Variants in NSD1 observed in about 807,000 individuals in gnomAD.
NSD1 encodes histone-lysine N-methyltransferase, H3 lysine-36 specific.
A neutral mutation model predicts 242.7 loss-of-function variants in NSD1; 26 were observed. The ratio of observed to expected loss-of-function variants is 0.11; its 90% confidence interval spans 0.08 to 0.15. The LOEUF (loss-of-function observed/expected upper bound fraction) is 0.15, where lower values mean the gene tolerates loss of function less well. NSD1 is among the 10% of genes least tolerant of loss of function. The pLI, the probability that NSD1 is intolerant of heterozygous loss-of-function variation, is 1.00. For missense variants in NSD1, 2,495 were observed against 3,272.8 expected (o/e 0.76, Z 5.80); for synonymous variants, 1,106 against 1,178.1 (o/e 0.94, Z 1.25).
rs1166781468 is a variant in NSD1 at position 177,290,808 on chromosome 5, G to T, written c.6259-1146G>T. Among the ~76,000 whole-genome samples the T allele has an allele frequency of 2.0e-5, 3 of 152,166 alleles. No individual in the cohort carries two copies. The East Asian group carries it at 5.8e-4, about 29-fold the overall frequency. ...TTTATTGTGCTTTTTGTTTAGTTTTGTTGGTTTAACGGTGTTGTTCCTTAA... is the reference window on the plus strand; with the variant it reads ...TTTATTGTGCTTTTTGTTTAGTTTTTTTGGTTTAACGGTGTTGTTCCTTAA... On this transcript the variant is annotated intron_variant, in intron 21 of 22. Transcript: ENST00000439151.
chr5:177,261,694 G>A (rs1168133768), intron 14 of NSD1, among the ~76,000 whole-genome samples: 1 of 152,040 alleles, frequency 6.6e-6, no homozygotes, highest in Non-Finnish European at 1.5e-5. Flanking sequence ...CATGGTAATG[G>A]TATTGGTATT....
rs758928013 is a variant in NSD1 at position 177,269,443 on chromosome 5, C to T, written c.5304-159C>T. Among the ~76,000 whole-genome samples, 29 of 152,162 alleles carry T rather than the reference C, an allele frequency of 1.9e-4. No homozygotes were observed. The highest frequency in any genetic ancestry group is 3.5e-4 in the Non-Finnish European group (24 of 68,044). Reference sequence around the variant, plus strand: ...GATGTTTTCCAGCTTCTAGCACATACGACTTGTTTGTGTTCTAGTTAGGTT... The same window carrying T: ...GATGTTTTCCAGCTTCTAGCACATATGACTTGTTTGTGTTCTAGTTAGGTT... On this transcript the variant is annotated intron_variant, in intron 15 of 22. Transcript: ENST00000439151. The surrounding 1 kb of genome is among the most constrained non-coding windows in gnomAD (Gnocchi z 5.1).
intron 2 of NSD1, among the ~76,000 whole-genome samples, chr5:177,184,719 G>A (rs986954474): frequency 6.6e-6 from 1 of 152,094 alleles, no homozygotes; most frequent in African/African-American, 2.4e-5. Context: ...GGGTGTGTGT[G>A]TGCACGCAAG....
At chr5:177,188,178 T>C (rs1761386252) in intron 2 of NSD1, among the ~76,000 whole-genome samples, 1 of 152,236 alleles carries the variant, frequency 6.6e-6, no homozygotes, top group Non-Finnish European at 1.5e-5. Flanking sequence ...AGTTGAATTA[T>C]GGGCTTAAAT....
In NSD1 at chr5:177,288,862, T is replaced by C; in HGVS notation, c.6195T>C (p.Asn2065=). 1.9e-6 allele frequency: 3 copies of C among 1,614,206 alleles called. No homozygotes were observed. The highest frequency in any genetic ancestry group is 2.5e-6 in the Non-Finnish European group (3 of 1,180,020). The change falls in exon 21 of 23, where the codon AAT becomes AAC. Residue 2065 remains asparagine, a synonymous_variant. Transcript: ENST00000439151. ...ACTACAACCTAGAATGTCTTGGGAATGGAAAGACTGTTTGCAAATGTGGAG... is the reference window on the plus strand; with the variant it reads ...ACTACAACCTAGAATGTCTTGGGAACGGAAAGACTGTTTGCAAATGTGGAG... ...TFNYNLECLG[N]GKTVCKCGAP... is the part of the protein sequence containing the mutation.
chr5:177,283,629 G>A (rs1472148144), intron 19 of NSD1, among the ~76,000 whole-genome samples, 158 bp from the exon 20 acceptor site: 1 of 152,208 alleles, frequency 6.6e-6, no homozygotes, highest in African/African-American at 2.4e-5. Context: ...TGCTGGTCCA[G>A]GGATCACACT....
chr5:177,233,255 G>T (rs1765193468), intron 5 of NSD1, among the ~76,000 whole-genome samples: 2 of 151,930 alleles, frequency 1.3e-5, no homozygotes, highest in African/African-American at 4.8e-5. Flanking sequence ...TTTTAGTAGA[G>T]ATGGGGTCTC....
chr5:177,203,230 T>C (rs1472505056), intron 3 of NSD1, among the ~76,000 whole-genome samples: 2 of 152,192 alleles, frequency 1.3e-5, no homozygotes, highest in African/African-American at 4.8e-5. Flanking sequence ...TGACTTTCTT[T>C]TGTGACACTT....
intron 2 of NSD1, among the ~76,000 whole-genome samples, chr5:177,139,446 A>G (rs75670418): frequency 7.2e-6 from 1 of 139,156 alleles, no homozygotes; most frequent in East Asian, 2.0e-4. Context: ...CTCCATCTCA[A>G]AAAAAAAAAA....
In NSD1 at chr5:177,246,685, C is replaced by T; in HGVS notation, c.4386C>T (p.Thr1462=). ...CCTATTTTCCTGTCATAGGCACTACCAAGATATTTGACAAGCCAAGGAAGC... is the reference window on the plus strand; with the variant it reads ...CCTATTTTCCTGTCATAGGCACTACTAAGATATTTGACAAGCCAAGGAAGC... ...SYSKDFGGGT[T]KIFDKPRKRK... is the part of the protein sequence containing the mutation. The change falls in exon 10 of 23, where the codon ACC becomes ACT. Residue 1462 remains threonine, a synonymous_variant. Coordinates refer to ENST00000439151, the MANE Select transcript of NSD1 (RefSeq NM_022455.5). The T allele has an allele frequency of 6.2e-7, 1 of 1,612,586 alleles. No individual in the cohort carries two copies. Among genetic ancestry groups the T allele is most frequent in the Non-Finnish European group, 8.5e-7 (1 of 1,178,860 alleles).
At chr5:177,144,167 A>G (rs1212102616) in intron 2 of NSD1, among the ~76,000 whole-genome samples, 3 of 152,166 alleles carry the variant, frequency 2.0e-5, no homozygotes, top group Middle Eastern at 3.2e-3. Flanking sequence ...CTGCATGCCA[A>G]GAGTCAAATG....
At chr5:177,231,843 A>G (rs1765082758) in intron 5 of NSD1, among the ~76,000 whole-genome samples, 1 of 152,192 alleles carries the variant, frequency 6.6e-6, no homozygotes, top group Non-Finnish European at 1.5e-5. Flanking sequence ...CCTTTTGCAT[A>G]CATGACATAC....
chr5:177,132,560 C>G (rs971698258), upstream of NSD1, among the ~76,000 whole-genome samples: 67 of 151,962 alleles, frequency 4.4e-4, no homozygotes, highest in African/African-American at 1.6e-3. The surrounding 1 kb of genome is among the most constrained non-coding windows in gnomAD (Gnocchi z 7.5). Flanking sequence ...GGAGCTTCGT[C>G]CCGGCTGGGC....
At chr5:177,137,405 T>C (rs1215769423) in intron 2 of NSD1, 1 of 152,390 alleles carries the variant, frequency 6.6e-6, no homozygotes, top group Non-Finnish European at 1.5e-5. Flanking sequence ...CTTTACCTTA[T>C]ATCCCTGCTG....
chr5:177,213,522 C>T (rs960676863), intron 5 of NSD1, among the ~76,000 whole-genome samples: 1 of 151,972 alleles, frequency 6.6e-6, no homozygotes, highest in African/African-American at 2.4e-5. Flanking sequence ...GGCTGGAGTG[C>T]CGTGGCGTGA....
chr5:177,251,917 A>G (rs1755999684), intron 12 of NSD1, 64 bp downstream of exon 12: 1 of 1,602,390 alleles, frequency 6.2e-7, no homozygotes, highest in Non-Finnish European at 8.5e-7. Flanking sequence ...TTCAGGAAAG[A>G]CATTTATTGG....
At chr5:177,233,537 A>T (rs867098443) in intron 5 of NSD1, among the ~76,000 whole-genome samples, 65 of 126,382 alleles carry the variant, frequency 5.1e-4, no homozygotes, top group South Asian at 4.9e-3. Context: ...CCTGGCTAGT[A>T]TTTTTTTTTT....
At position 177,298,629 on chromosome 5, in the gene NSD1, GTTATT is replaced by G. The variant is rs1296065414; in HGVS notation, c.*3176_*3180del. 3.9e-5 allele frequency: 9 copies of G among 233,138 alleles called. No individual in the cohort carries two copies. Among genetic ancestry groups the G allele is most frequent in the Non-Finnish European group, 5.9e-5 (7 of 118,058 alleles). 14.4% of individuals were successfully genotyped at this position (233,138 alleles called of 1,614,324 possible). A position where few individuals can be genotyped will look rare whatever the true frequency, so the allele number is the denominator to read the frequency against. On this transcript the variant is annotated 3_prime_UTR_variant, in exon 23 of 23. Transcript: ENST00000439151. Reference sequence around the variant, plus strand: ...CAAATCTTTAGCATTGATGAAAATAGTTATTTTATTCTTTACATCCTTCACCCCAC... The same window carrying G: ...CAAATCTTTAGCATTGATGAAAATAGTTATTCTTTACATCCTTCACCCCAC...
chr5:177,250,021 G>A (rs1755803376), intron 11 of NSD1, among the ~76,000 whole-genome samples: 1 of 152,184 alleles, frequency 6.6e-6, no homozygotes, highest in Admixed American at 6.5e-5. Context: ...GGGAGGTAGA[G>A]GCTTTAGTGA....
Sources: gnomAD v4.1 joint callset for allele counts (sites outside exome capture counted in the v4.1 genomes callset) on GRCh38, gnomAD v4.1.1 for gene constraint, Gnocchi (gnomAD v3.1) non-coding constraint, MANE v1.5 for transcripts, NCBI Gene and HGNC (gene_info 2026-07-23, HGNC 2026-07-21) for gene names.